CALN1: variants seen among roughly 807,000 people sequenced by gnomAD.
The protein encoded by CALN1 is calneuron 1, also known as calcium-binding protein 8.
In CALN1, 17 loss-of-function variants were observed where a neutral mutation model predicts 30.6. The observed-to-expected ratio is 0.56, with a 90% CI of 0.38 to 0.83. The LOEUF is 0.83. Among genes scored for constraint, CALN1 ranks in the 40% least tolerant of loss-of-function variants. The probability of loss-of-function intolerance (pLI) is 0.00; values close to 1 mark genes in which losing one functional copy is unlikely to be tolerated. For synonymous variants in CALN1, 156 were observed against 131.4 expected (o/e 1.19, Z -1.28); for missense variants, 291 against 354.9 (o/e 0.82, Z 1.45).
chr7:72,234,622 T>C (rs1794351527), intron 3 of CALN1, among the ~76,000 whole-genome samples: 1 of 152,070 alleles, frequency 6.6e-6, no homozygotes, highest in South Asian at 2.1e-4. Context: ...AATTTTTGTA[T>C]TTTAGTAGAG....
chr7:72,386,849 C>T (rs1805237936), intron 2 of CALN1, among the ~76,000 whole-genome samples: 1 of 151,952 alleles, frequency 6.6e-6, no homozygotes, highest in African/African-American at 2.4e-5. Flanking sequence ...CCCTGGCTGG[C>T]CTTAACCCCA....
At chr7:72,186,107 C>T (rs958078389) in intron 3 of CALN1, among the ~76,000 whole-genome samples, 2 of 152,024 alleles carry the variant, frequency 1.3e-5, no homozygotes, top group African/African-American at 4.8e-5. Context: ...TGGCCATGAA[C>T]CATGGAGTGC....
intron 3 of CALN1, among the ~76,000 whole-genome samples, chr7:72,209,690 T>A (rs979112750): frequency 2.9e-4 from 44 of 152,296 alleles, no homozygotes; most frequent in Non-Finnish European, 5.4e-4. Context: ...CTCTACACTT[T>A]GGCTATCGGG....
intron 3 of CALN1, among the ~76,000 whole-genome samples, chr7:72,270,770 G>A (rs1170707365): frequency 2.6e-5 from 4 of 152,172 alleles, no homozygotes; most frequent in African/African-American, 7.2e-5. Context: ...GCAAGACACT[G>A]TCTTAAAAAT....
At chr7:72,218,266 G>T (rs1585192336) in intron 3 of CALN1, among the ~76,000 whole-genome samples, 1 of 151,694 alleles carries the variant, frequency 6.6e-6, no homozygotes, top group South Asian at 2.1e-4. Context: ...GGCTAACATG[G>T]TGAAACCCCA....
At chr7:71,791,684 A>G (rs1793397194) in intron 6 of CALN1, among the ~76,000 whole-genome samples, 1 of 152,332 alleles carries the variant, frequency 6.6e-6, no homozygotes, top group Non-Finnish European at 1.5e-5. Context: ...AAACCTGCAC[A>G]TGTATCCCTG....
At chr7:72,376,018 G>C (rs983397607) in intron 2 of CALN1, among the ~76,000 whole-genome samples, 3 of 152,062 alleles carry the variant, frequency 2.0e-5, no homozygotes, top group Non-Finnish European at 4.4e-5. Context: ...ACAGCCTTCT[G>C]TGTCCAGTTT....
chr7:72,111,996 C>G (rs2129541615), intron 3 of CALN1, among the ~76,000 whole-genome samples: 2 of 152,202 alleles, frequency 1.3e-5, no homozygotes, highest in Middle Eastern at 3.4e-3. Flanking sequence ...GGTGATCCAC[C>G]CCCCTCTGCT....
chr7:72,382,654 G>C (rs1025886083), intron 2 of CALN1, among the ~76,000 whole-genome samples: 77 of 152,062 alleles, frequency 5.1e-4, no homozygotes, highest in African/African-American at 1.8e-3. Context: ...CTGTTTCTTC[G>C]GTCTTTATGT....
intron 4 of CALN1, among the ~76,000 whole-genome samples, chr7:72,049,832 T>G (rs1802722798): frequency 7.1e-6 from 1 of 139,920 alleles, no homozygotes; most frequent in Non-Finnish European, 1.5e-5. Context: ...TTTTTTGAGA[T>G]GCAGTCTCAC....
intron 2 of CALN1, among the ~76,000 whole-genome samples, chr7:72,309,911 C>T (rs1308110097): frequency 6.6e-6 from 1 of 152,170 alleles, no homozygotes; most frequent in Non-Finnish European, 1.5e-5. Flanking sequence ...GGGCCAGGGG[C>T]AAGCCTGGAC....
intron 3 of CALN1, among the ~76,000 whole-genome samples, chr7:72,260,707 C>T (rs751648098): frequency 1.1e-4 from 17 of 152,192 alleles, no homozygotes; most frequent in Middle Eastern, 3.4e-3. Context: ...ACTTGGCTAT[C>T]TGAGGAGCCC....
chr7:72,213,431 G>A (rs549792928), intron 3 of CALN1, among the ~76,000 whole-genome samples: 1 of 152,270 alleles, frequency 6.6e-6, no homozygotes, highest in Admixed American at 6.5e-5. Flanking sequence ...TGGTTGCCTG[G>A]GGCTGGGAGT....
intron 4 of CALN1, among the ~76,000 whole-genome samples, chr7:72,048,154 C>T (rs1053255939): frequency 1.3e-5 from 2 of 151,820 alleles, no homozygotes; most frequent in Non-Finnish European, 1.5e-5. Flanking sequence ...ATTCCCCTGC[C>T]TCAACCTCCC....
At chr7:72,373,085 T>C (rs1202517645) in intron 2 of CALN1, among the ~76,000 whole-genome samples, 2 of 152,310 alleles carry the variant, frequency 1.3e-5, no homozygotes, top group East Asian at 3.9e-4. Context: ...GTGGAAATTT[T>C]AGAACTTAAA....
chr7:72,209,899 G>A (rs184545835), intron 3 of CALN1, among the ~76,000 whole-genome samples: 2 of 152,258 alleles, frequency 1.3e-5, no homozygotes, highest in East Asian at 3.9e-4. Context: ...AATTGTCTGA[G>A]CTGTACAATA....
chr7:72,280,028 AC>A (rs1797627967), intron 2 of CALN1, among the ~76,000 whole-genome samples: 1 of 152,200 alleles, frequency 6.6e-6, no homozygotes, highest in Admixed American at 6.5e-5. Context: ...CCAGTTAGTG[AC>A]AGAAGTTGTT....
At chr7:72,081,363 ACCC>A (rs1262273735) in intron 4 of CALN1, among the ~76,000 whole-genome samples, 1 of 138,676 alleles carries the variant, frequency 7.2e-6, no homozygotes, top group Non-Finnish European at 1.6e-5. Context: ...TATCTCCCTC[ACCC>A]CAACAATGAG....
chr7:71,792,208 G>A (rs1786607517), intron 6 of CALN1, among the ~76,000 whole-genome samples: 1 of 152,066 alleles, frequency 6.6e-6, no homozygotes, highest in Admixed American at 6.6e-5. Context: ...CTTGCCTCTT[G>A]CTGTCTATTA....
Sources: gnomAD v4.1 joint callset for allele counts (sites outside exome capture counted in the v4.1 genomes callset) on GRCh38, gnomAD v4.1.1 for gene constraint, MANE v1.5 for transcripts, NCBI Gene and HGNC (gene_info 2026-07-23, HGNC 2026-07-21) for gene names.